TENM2: variants seen among roughly 807,000 people sequenced by gnomAD.
TENM2 encodes teneurin transmembrane protein 2, also known as teneurin-2.
In TENM2, 52 loss-of-function variants were observed where a neutral mutation model predicts 245.2. That is an observed-to-expected ratio of 0.21 (90% CI 0.17 to 0.27). The LOEUF is 0.27. Ranked by LOEUF, TENM2 falls within the 10% of genes least tolerant of loss-of-function variation. The pLI is 1.00. For synonymous variants in TENM2, 1,363 were observed against 1,438.9 expected, an observed-to-expected ratio of 0.95 and a Z score of 1.19; for missense variants, 3,046 against 3,666.8, an observed-to-expected ratio of 0.83 and a Z score of 4.37.
At chr5:168,136,998 T>A (rs773901828) in intron 12 of TENM2, among the ~76,000 whole-genome samples, 1 of 152,158 alleles carries the variant, frequency 6.6e-6, no homozygotes, top group Non-Finnish European at 1.5e-5. Flanking sequence ...GACTCCAGGT[T>A]CCAAACAGTT....
At chr5:167,060,089 T>C in the TENM2 span, among the ~76,000 whole-genome samples, 1 of 152,194 alleles carries the variant, frequency 6.6e-6, no homozygotes, top group Non-Finnish European at 1.5e-5. Context: ...ACAAATTCTA[T>C]ATAGAAATTT....
chr5:167,917,325 G>A (rs1777028290), intron 3 of TENM2, among the ~76,000 whole-genome samples: 1 of 152,014 alleles, frequency 6.6e-6, no homozygotes, highest in Non-Finnish European at 1.5e-5. Context: ...AGCTGCAAAT[G>A]CCTCATGCAT....
intron 2 of TENM2, among the ~76,000 whole-genome samples, chr5:167,457,327 A>G (rs891133026): frequency 1.4e-5 from 2 of 145,732 alleles, no homozygotes; most frequent in African/African-American, 2.6e-5. Flanking sequence ...ATTTTATTTT[A>G]TTTTATTTTA....
Position 167,640,882 on chromosome 5 carries a change from T to TATCC in TENM2, c.503-235102_503-235101insCCAT, listed in dbSNP as rs1561629007. 1.6e-4 allele frequency among the ~76,000 whole-genome samples: 11 copies of TATCC among 67,528 alleles called. 1 individual carries two copies. Among genetic ancestry groups the TATCC allele is most frequent in the African/African-American group, 9.6e-4 (10 of 10,438 alleles). The allele number at this position is 67,528 out of a possible 152,430, so 44.3% of individuals were successfully genotyped here. ...ATCCATATATATATATATATATATA[T>TATCC]ATATATATATATATATATATATATC... On this transcript the variant is annotated intron_variant, in intron 2 of 28. Transcript: ENST00000518659.
At chr5:167,214,754 C>T in the TENM2 span, among the ~76,000 whole-genome samples, 1 of 152,022 alleles carries the variant, frequency 6.6e-6, no homozygotes, top group Non-Finnish European at 1.5e-5. Context: ...GACTAAGGGA[C>T]CCGATGAATG....
At chr5:167,474,765 C>T (rs1582148562) in intron 2 of TENM2, among the ~76,000 whole-genome samples, 1 of 152,176 alleles carries the variant, frequency 6.6e-6, no homozygotes, top group East Asian at 1.9e-4. Context: ...ATCCGCTCGC[C>T]TCAGCCTCCC....
intron 13 of TENM2, among the ~76,000 whole-genome samples, chr5:168,182,825 C>CTTTTTTTTTTT (rs149579948): frequency 9.9e-6 from 1 of 100,682 alleles, no homozygotes; most frequent in Admixed American, 1.0e-4. Context: ...TCAGGGTGCT[C>CTTTTTTTTTTT]TTTTTTTTTT....
At chr5:167,164,683 A>G in the TENM2 span, among the ~76,000 whole-genome samples, 2 of 152,236 alleles carry the variant, frequency 1.3e-5, no homozygotes, top group Admixed American at 6.5e-5. Context: ...GATAAAAGTC[A>G]TGAGCAGAAC....
In TENM2 at chr5:167,399,603, C is replaced by G. The variant is rs145468439; in HGVS notation, c.502+24130C>G. Among the ~76,000 whole-genome samples the G allele has an allele frequency of 4.7e-3, 723 of 152,242 alleles. 5 individuals carry two copies. Among genetic ancestry groups the G allele is most frequent in the Non-Finnish European group, 8.7e-3 (591 of 68,014 alleles). ...TTAAGCACATTTCTTTGGAATGAGACTGTCTGGGTGTAAAGCTCAGTTTTG... is the reference window on the plus strand; with the variant it reads ...TTAAGCACATTTCTTTGGAATGAGAGTGTCTGGGTGTAAAGCTCAGTTTTG... On this transcript the variant is annotated intron_variant, in intron 2 of 28. Transcript: ENST00000518659.
chr5:167,258,517 A>G, the TENM2 span, among the ~76,000 whole-genome samples: 2 of 151,976 alleles, frequency 1.3e-5, no homozygotes, highest in Admixed American at 6.6e-5. Flanking sequence ...TGCTTAGCCT[A>G]TGAGGAAAAG....
intron 4 of TENM2, 62 bp downstream of exon 6, chr5:167,952,884 CAG>C: frequency 7.3e-7 from 1 of 1,369,288 alleles, no homozygotes; most frequent in South Asian, 1.3e-5. Context: ...AGTCACCACA[CAG>C]AGCCACTGGG....
chr5:167,101,222 T>A, the TENM2 span, among the ~76,000 whole-genome samples: 2 of 152,216 alleles, frequency 1.3e-5, no homozygotes, highest in Non-Finnish European at 2.9e-5. Flanking sequence ...TATGACTTTG[T>A]TTGTTTGGTA....
chr5:167,650,089 A>G (rs1178817367), intron 2 of TENM2, among the ~76,000 whole-genome samples: 9 of 152,230 alleles, frequency 5.9e-5, no homozygotes, highest in Non-Finnish European at 1.3e-4. Context: ...TCTGTAAGTA[A>G]AAATGTCAGT....
At chr5:167,237,635 A>G in the TENM2 span, among the ~76,000 whole-genome samples, 1 of 152,224 alleles carries the variant, frequency 6.6e-6, no homozygotes, top group South Asian at 2.1e-4. Flanking sequence ...CATAAGATCA[A>G]GAAAGCGTAA....
At chr5:167,791,612 ATTGGAACCCTAAGTATG>A (rs1405309659) in intron 2 of TENM2, among the ~76,000 whole-genome samples, 4 of 150,466 alleles carry the variant, frequency 2.7e-5, no homozygotes. Flanking sequence ...AGGAAAAACA[ATTGGAACCCTAAGTATG>A]ATGATCCCAA....
chr5:167,727,763 T>C (rs1003392836), intron 2 of TENM2, among the ~76,000 whole-genome samples: 41 of 152,224 alleles, frequency 2.7e-4, no homozygotes, highest in African/African-American at 9.6e-4. Flanking sequence ...GATGAAGATA[T>C]TGAGGCCCAG....
At chr5:168,178,169 G>T (rs1468651726) in intron 13 of TENM2, among the ~76,000 whole-genome samples, 1 of 152,168 alleles carries the variant, frequency 6.6e-6, no homozygotes, top group Non-Finnish European at 1.5e-5. Flanking sequence ...TTGCTCTGAG[G>T]TGTCGGTGGT....
intron 2 of TENM2, among the ~76,000 whole-genome samples, chr5:167,687,274 A>G (rs1757135669): frequency 1.3e-5 from 2 of 152,212 alleles, no homozygotes. Flanking sequence ...ATATCTAGAG[A>G]ATATATACGT....
intron 12 of TENM2, among the ~76,000 whole-genome samples, chr5:168,148,211 G>T (rs1286763542): frequency 3.3e-5 from 5 of 152,170 alleles, no homozygotes; most frequent in Non-Finnish European, 5.9e-5. Context: ...CTGCTGTTTT[G>T]CATGTGTAAG....
Sources: gnomAD v4.1 joint callset for allele counts (sites outside exome capture counted in the v4.1 genomes callset) on GRCh38, gnomAD v4.1.1 for gene constraint, MANE v1.5 for transcripts, NCBI Gene and HGNC (gene_info 2026-07-23, HGNC 2026-07-21) for gene names.